Variants in DHX16 observed in about 807,000 individuals in gnomAD.
DHX16 encodes DEAH-box helicase 16.
DHX16 carries 81 observed loss-of-function variants against 131.2 expected under a neutral mutation model. That is an observed-to-expected ratio of 0.62 (90% CI 0.52 to 0.74). The LOEUF is 0.74. DHX16 is among the 30% of genes least tolerant of loss of function. The probability of loss-of-function intolerance (pLI) is 0.00; values close to 1 mark genes in which losing one functional copy is unlikely to be tolerated. For synonymous variants in DHX16, 440 were observed against 520.2 expected (o/e 0.85, Z 2.10); for missense variants, 980 against 1,363.1 (o/e 0.72, Z 4.43).
intron 9 of DHX16, among the ~76,000 whole-genome samples, chr6:30,660,868 C>T (rs1474000973): frequency 2.5e-4 from 38 of 151,066 alleles, no homozygotes; most frequent in Middle Eastern, 3.4e-3. Context: ...GGTGACAGAG[C>T]GAGACTCCAT....
Position 30,654,700 on chromosome 6 carries a change from C to T in DHX16, c.2997+6G>A. On this transcript the variant is annotated splice_donor_region_variant and intron_variant, in intron 19 of 19. Transcript: ENST00000376442. ...CACCTGCGTGGGCACAGGATGTTCTCCTCACCTGTCTCATGAACTCTTTGG... is the reference window on the plus strand; with the variant it reads ...CACCTGCGTGGGCACAGGATGTTCTTCTCACCTGTCTCATGAACTCTTTGG... 6.2e-7 allele frequency: 1 copy of T among 1,609,622 alleles called. No homozygotes were observed. Among genetic ancestry groups the T allele is most frequent in the Non-Finnish European group, 8.5e-7 (1 of 1,178,036 alleles).
chr6:30,655,482 A>T lies in DHX16; in HGVS notation c.2614T>A (p.Phe872Ile). 1 of 1,613,388 alleles carries T rather than the reference A, an allele frequency of 6.2e-7. No homozygotes were observed. Among genetic ancestry groups the T allele is most frequent in the Non-Finnish European group, 8.5e-7 (1 of 1,180,042 alleles). Residue 872 changes from phenylalanine (F) to isoleucine (I), a missense_variant, in exon 17 of 20, where the codon TTT becomes ATT. This residue lies in a region of DHX16 where 214 missense variants were observed against 271.2 expected (regional missense o/e 0.79). Coordinates refer to ENST00000376442, the MANE Select transcript of DHX16 (RefSeq NM_003587.5). ...VHADNARVNF[F>I]LPGGDHLVLL... ...ACCAGGTGGTCACCGCCAGGGAGAA[A>T]GAAGTTGACACGGGCATTGTCAGCA... is the stretch of plus-strand genomic sequence containing the variant.
In DHX16 at chr6:30,654,402, T is replaced by C. The variant is rs1263230032; in HGVS notation, c.2997+304A>G. Among the ~76,000 whole-genome samples the C allele has an allele frequency of 3.9e-5, 6 of 151,940 alleles. No homozygotes were observed. The East Asian group carries it at 1.2e-3, about 29-fold the overall frequency. ...CATCTCTACTAAAAATAACAAAAAT[T>C]AGCCAGGCCTGGAGGCTTGCGCCTG... is the stretch of plus-strand genomic sequence containing the variant. On this transcript the variant is annotated intron_variant, in intron 19 of 19. Transcript: ENST00000376442.
chr6:30,659,463 C>T lies in DHX16; in HGVS notation c.2007+9G>A, dbSNP rs753557979. 5 of 1,579,978 alleles carry T rather than the reference C, an allele frequency of 3.2e-6. No individual in the cohort carries two copies. The highest frequency in any genetic ancestry group is 1.8e-5 in the Admixed American group (1 of 54,320). ...ATAGGGGTGAAGAGTGTGGGTTTCT[C>T]CAACTGACCTTTCGTGCCCCAGGTG... On this transcript the variant is annotated intron_variant, in intron 12 of 19. Transcript: ENST00000376442.
At chr6:30,663,266 G>A (rs1292208536) in intron 7 of DHX16, among the ~76,000 whole-genome samples, 1 of 152,154 alleles carries the variant, frequency 6.6e-6, no homozygotes, top group Non-Finnish European at 1.5e-5. Context: ...GAAAAGAACA[G>A]ATTAGCTGAG....
chr6:30,672,155 T>TA (rs909187000), intron 1 of DHX16, among the ~76,000 whole-genome samples: 2 of 150,872 alleles, frequency 1.3e-5, no homozygotes, highest in Non-Finnish European at 3.0e-5. Flanking sequence ...AAAATAAAAA[T>TA]AAAAATAAAA....
rs1562002485 is a variant in DHX16, at chr6:30,671,274, C to T, written c.208G>A (p.Val70Ile). ...TTTTCTACCACTGCCTTTCGTGGTA[C>T]CTGTCAGTAGAGGGGAAGATAAGGA... ...RDFALRLWNK[V>I]PRKAVVEKPA... The change falls in exon 2 of 20, where the codon GTA (valine) becomes ATA (isoleucine). Residue 70 changes from valine (V) to isoleucine (I), a missense_variant and splice_region_variant. Around this residue, in one of 3 missense-constraint regions of DHX16, gnomAD observed 457 missense variants for 554.8 expected, o/e 0.82. Transcript: ENST00000376442. The T allele has an allele frequency of 6.2e-7, 1 of 1,612,568 alleles. No individual in the cohort carries two copies. Among genetic ancestry groups the T allele is most frequent in the Admixed American group, 1.7e-5 (1 of 59,976 alleles).
chr6:30,657,673 G>A lies in DHX16; in HGVS notation c.2008-581C>T, dbSNP rs141137634. On this transcript the variant is annotated intron_variant, in intron 12 of 19. Coordinates refer to ENST00000376442, the MANE Select transcript of DHX16 (RefSeq NM_003587.5). ...ACACTGCTTTGCTCTGCCCAAGTAA[G>A]TGCACTCCTCACTGGATCATTTGCA... Among the ~76,000 whole-genome samples, 416 of 152,172 alleles carry A rather than the reference G, an allele frequency of 2.7e-3. 1 individual carries two copies. Among genetic ancestry groups the A allele is most frequent in the Non-Finnish European group, 3.5e-3 (235 of 67,990 alleles).
chr6:30,664,897 C>T lies in DHX16; in HGVS notation c.1221G>A (p.Glu407=). The stretch of plus-strand genomic sequence containing the variant: ...GGTGATTTGCAATAGCAGCCAGGAG[C>T]TCCTCTCGAAATGGGAACACCGGGA... ...RSLPVFPFRE[E]LLAAIANHQV... The change falls in exon 7 of 20, where the codon GAG becomes GAA. Residue 407 remains glutamate (E), a synonymous_variant. Coordinates refer to ENST00000376442, the MANE Select transcript of DHX16 (RefSeq NM_003587.5). 1 of 1,613,486 alleles carries T rather than the reference C, an allele frequency of 6.2e-7. No homozygotes were observed. The highest frequency in any genetic ancestry group is 8.5e-7 in the Non-Finnish European group (1 of 1,179,996).
chr6:30,655,640 T>G, intron 16 of DHX16, 43 bp from the exon 17 acceptor site: 1 of 1,604,392 alleles, frequency 6.2e-7, no homozygotes. Context: ...GCAAGACACA[T>G]AGGAACAGAT....
chr6:30,665,751 A>G lies in DHX16; in HGVS notation c.667-18T>C. On this transcript the variant is annotated intron_variant, in intron 4 of 19. Coordinates refer to ENST00000376442, the MANE Select transcript of DHX16 (RefSeq NM_003587.5). The surrounding 1 kb of genome is among the most constrained non-coding windows in gnomAD (Gnocchi z 4.8). ...TCAGGGACCTGAGTTGGGAAAGGACAGTCGAATCCTCATCTTGCTGGAGGA... is the reference window on the plus strand; with the variant it reads ...TCAGGGACCTGAGTTGGGAAAGGACGGTCGAATCCTCATCTTGCTGGAGGA... 6.2e-7 allele frequency: 1 copy of G among 1,600,404 alleles called. No individual in the cohort carries two copies. The highest frequency in any genetic ancestry group is 1.1e-5 in the South Asian group (1 of 90,864).
chr6:30,657,574 G>A (rs1019997623), intron 12 of DHX16, among the ~76,000 whole-genome samples: 7 of 151,906 alleles, frequency 4.6e-5, no homozygotes, highest in Non-Finnish European at 1.0e-4. Flanking sequence ...CCCCTTAAAA[G>A]CCTGGATCAC....
Position 30,656,934 on chromosome 6 carries a change from A to G in DHX16, c.2148+18T>C. On this transcript the variant is annotated intron_variant, in intron 13 of 19. Transcript: ENST00000376442. The surrounding 1 kb of genome is among the most constrained non-coding windows in gnomAD (Gnocchi z 5.1). ...GGCCAACTCCACCTCCCCCACTCCCATGCATCCCCAGGCTGACCTTGCTGC... is the reference window on the plus strand; with the variant it reads ...GGCCAACTCCACCTCCCCCACTCCCGTGCATCCCCAGGCTGACCTTGCTGC... The G allele has an allele frequency of 8.7e-6, 14 of 1,607,376 alleles. No individual in the cohort carries two copies. The highest frequency in any genetic ancestry group is 1.2e-5 in the Non-Finnish European group (14 of 1,176,562).
At position 30,654,819 on chromosome 6, in the gene DHX16, C is replaced by G; in HGVS notation, c.2884G>C (p.Val962Leu). The change falls in exon 19 of 20, where the codon GTG (valine) becomes CTG (leucine). Residue 962 changes from valine to leucine, a missense_variant. Val to Leu is a conservative substitution (Grantham distance 32). Transcript: ENST00000376442. ...ARLTRSGYRT[V>L]KQQQTVFIHP... is the part of the protein sequence containing the mutation. ...ATGAAGACTGTCTGCTGCTGTTTCA[C>G]TGTGCGGTAGCCACTCCGAGTCAAC... 6.2e-7 allele frequency: 1 copy of G among 1,612,972 alleles called. No individual in the cohort carries two copies. The highest frequency in any genetic ancestry group is 1.1e-5 in the South Asian group (1 of 91,090).
Position 30,656,326 on chromosome 6 carries a change from A to G in DHX16, c.2431-61T>C, listed in dbSNP as rs1242310095. 5.0e-6 allele frequency: 8 copies of G among 1,610,784 alleles called. No individual in the cohort carries two copies. Among genetic ancestry groups the G allele is most frequent in the African/African-American group, 4.0e-5 (3 of 74,822 alleles). On this transcript the variant is annotated intron_variant, in intron 15 of 19. Transcript: ENST00000376442. This position sits in a 1 kb window ranked among gnomAD's most constrained non-coding sequence, Gnocchi z 5.1. The stretch of plus-strand genomic sequence containing the variant: ...CCCTCAGGTTTCCCGCTACTACTAC[A>G]GGGGTCCCTGGAGCCATCCTGACCC...
At position 30,670,667 on chromosome 6, in the gene DHX16, G is replaced by A; in HGVS notation, c.609+123C>T. On this transcript the variant is annotated intron_variant, in intron 3 of 19. Coordinates refer to ENST00000376442, the MANE Select transcript of DHX16 (RefSeq NM_003587.5). This position sits in a 1 kb window ranked among gnomAD's most constrained non-coding sequence, Gnocchi z 4.4. Reference sequence around the variant, plus strand: ...TGCACAGGGCTTCTCTCACCACAGAGGTGAACATCTCACTAGAGACAGCCC... The same window carrying A: ...TGCACAGGGCTTCTCTCACCACAGAAGTGAACATCTCACTAGAGACAGCCC... 2.9e-6 allele frequency: 4 copies of A among 1,394,806 alleles called. No individual in the cohort carries two copies. Among genetic ancestry groups the A allele is most frequent in the Non-Finnish European group, 4.0e-6 (4 of 1,010,346 alleles). The allele number at this position is 1,394,806 out of a possible 1,614,324, so 86.4% of individuals were successfully genotyped here.
intron 12 of DHX16, among the ~76,000 whole-genome samples, chr6:30,658,462 G>A (rs1768176269): frequency 6.6e-6 from 1 of 151,452 alleles, no homozygotes; most frequent in Admixed American, 6.6e-5. Flanking sequence ...AGAATCGCTT[G>A]AACCTGTGAG....
intron 1 of DHX16, among the ~76,000 whole-genome samples, chr6:30,672,082 G>A (rs1480204554): frequency 6.6e-6 from 1 of 151,812 alleles, no homozygotes; most frequent in Non-Finnish European, 1.5e-5. Flanking sequence ...GGGGCTGAGA[G>A]AGGATTGCTT....
chr6:30,671,145 T>C lies in DHX16; in HGVS notation c.337A>G (p.Arg113Gly), dbSNP rs1345382040. 6 of 1,613,122 alleles carry C rather than the reference T, an allele frequency of 3.7e-6. No individual in the cohort carries two copies. The South Asian group carries it at 6.6e-5, about 18-fold the overall frequency. ...SEESSEETVS[R>G]AGSSLQKKRK... ...TTCTTCTGGAGGCTGCTTCCAGCCC[T>C]ACTCACAGTCTCCTCACTGCTCTCT... Residue 113 changes from arginine to glycine, a missense_variant, in exon 2 of 20, where the codon AGG becomes GGG. By Grantham distance (125) the Arg-to-Gly change is moderately radical. Coordinates refer to ENST00000376442, the MANE Select transcript of DHX16 (RefSeq NM_003587.5).
Sources: allele counts gnomAD v4.1 joint callset (sites outside exome capture counted in the v4.1 genomes callset), GRCh38; gene constraint gnomAD v4.1.1; regional missense constraint gnomAD v4.1.1; non-coding constraint Gnocchi (gnomAD v3.1); transcripts MANE v1.5; gene names NCBI Gene and HGNC (gene_info 2026-07-23, HGNC 2026-07-21).